WWOX: variants seen among roughly 807,000 people sequenced by gnomAD.
The protein encoded by WWOX is WW domain containing oxidoreductase.
WWOX carries 69 observed loss-of-function variants against 46.2 expected under a neutral mutation model. The observed-to-expected ratio is 1.49, with a 90% CI of 1.23 to 1.82. The LOEUF is 1.82. WWOX is among the 40% of genes most tolerant of loss of function. The pLI is 0.00. For missense variants in WWOX, 919 were observed against 542.6 expected (o/e 1.69, Z -6.89); for synonymous variants, 359 against 202.6 (o/e 1.77, Z -6.56).
chr16:78,315,904 C>T (rs759778287), intron 5 of WWOX, among the ~76,000 whole-genome samples: 4 of 152,090 alleles, frequency 2.6e-5, no homozygotes, highest in Non-Finnish European at 4.4e-5. Flanking sequence ...CTACTCTCCT[C>T]GTGTTGAATA....
At chr16:78,215,097 G>T (rs1351552754) in intron 5 of WWOX, among the ~76,000 whole-genome samples, 4 of 151,966 alleles carry the variant, frequency 2.6e-5, no homozygotes, top group Admixed American at 6.6e-5. Context: ...AGTGTTAGAG[G>T]ATGGAAGATT....
intron 8 of WWOX, among the ~76,000 whole-genome samples, chr16:78,764,046 G>A (rs541567772): frequency 1.4e-4 from 21 of 152,218 alleles, no homozygotes; most frequent in Non-Finnish European, 2.5e-4. Flanking sequence ...CGTAGGATAT[G>A]TGAAATATTT....
chr16:79,041,547 C>T (rs1164810605), intron 8 of WWOX, among the ~76,000 whole-genome samples: 1 of 152,072 alleles, frequency 6.6e-6, no homozygotes, highest in Non-Finnish European at 1.5e-5. Flanking sequence ...AGCAGGGGGC[C>T]AAGGAGGGCT....
At chr16:78,419,697 A>T (rs1463865660) in intron 6 of WWOX, among the ~76,000 whole-genome samples, 1 of 151,524 alleles carries the variant, frequency 6.6e-6, no homozygotes, top group Admixed American at 6.6e-5. Context: ...AACTCTTAGA[A>T]GCAAACATAG....
At chr16:78,915,656 C>G (rs1033672158) in intron 8 of WWOX, among the ~76,000 whole-genome samples, 3 of 150,850 alleles carry the variant, frequency 2.0e-5, no homozygotes, top group Non-Finnish European at 4.4e-5. Flanking sequence ...TAGTTTCTTA[C>G]CGTTTGGGGA....
intron 8 of WWOX, among the ~76,000 whole-genome samples, chr16:79,076,543 G>T (rs1031596878): frequency 6.6e-6 from 1 of 152,174 alleles, no homozygotes; most frequent in African/African-American, 2.4e-5. Context: ...AACCATCTAA[G>T]CTAACTCTCC....
intron 8 of WWOX, among the ~76,000 whole-genome samples, chr16:78,510,406 C>G (rs1347449638): frequency 1.3e-5 from 2 of 152,062 alleles, no homozygotes; most frequent in African/African-American, 4.8e-5. Context: ...GAGTTTCACC[C>G]TTTTGATTGG....
At chr16:78,367,290 A>G (rs573138266) in intron 5 of WWOX, among the ~76,000 whole-genome samples, 11 of 152,184 alleles carry the variant, frequency 7.2e-5, no homozygotes, top group African/African-American at 2.6e-4. Context: ...AAAAGTTATA[A>G]TTTTAATGGT....
At chr16:78,529,719 G>C (rs182204817) in intron 8 of WWOX, among the ~76,000 whole-genome samples, 1,845 of 151,914 alleles carry the variant, frequency 0.012, 31 homozygotes, top group Middle Eastern at 0.044. Context: ...CACCCACCTC[G>C]GCCTCCCAAA....
At chr16:78,103,591 A>C (rs1377208552) in intron 1 of WWOX, among the ~76,000 whole-genome samples, 1 of 151,716 alleles carries the variant, frequency 6.6e-6, no homozygotes, top group Non-Finnish European at 1.5e-5. Context: ...ATCTCTCCTG[A>C]TCTGTGAGCA....
At chr16:79,085,721 T>C (rs2048842425) in intron 8 of WWOX, among the ~76,000 whole-genome samples, 1 of 152,092 alleles carries the variant, frequency 6.6e-6, no homozygotes, top group Middle Eastern at 3.2e-3. Context: ...AGTTACCCTA[T>C]AGTCAAAAGG....
intron 5 of WWOX, among the ~76,000 whole-genome samples, chr16:78,329,130 G>C (rs2080701852): frequency 6.6e-6 from 1 of 152,062 alleles, no homozygotes; most frequent in African/African-American, 2.4e-5. Context: ...CAAAGTGCTG[G>C]GATTACAGGT....
Position 78,765,645 on chromosome 16 carries a change from C to T in WWOX, c.1056+332893C>T, listed in dbSNP as rs576667312. 8.5e-4 allele frequency among the ~76,000 whole-genome samples: 130 copies of T among 152,170 alleles called. 1 individual carries two copies. The highest frequency in any genetic ancestry group is 2.8e-3 in the African/African-American group (116 of 41,506). On this transcript the variant is annotated intron_variant, in intron 8 of 8. Coordinates refer to ENST00000566780, the MANE Select transcript of WWOX (RefSeq NM_016373.4). ...AGTGAGCCGAGATTGTGCCACTGCA[C>T]TGCAGCTTGGGAAACAGAGTGAGAC...
intron 5 of WWOX, among the ~76,000 whole-genome samples, chr16:78,317,278 T>A (rs778146607): frequency 3.3e-5 from 5 of 152,184 alleles, no homozygotes; most frequent in Admixed American, 6.5e-5. Flanking sequence ...TCTCTCTCTC[T>A]CTGTCTGTCT....
intron 5 of WWOX, among the ~76,000 whole-genome samples, chr16:78,203,839 C>A (rs780888539): frequency 6.6e-6 from 1 of 152,194 alleles, no homozygotes; most frequent in Non-Finnish European, 1.5e-5. Context: ...CTCCCTTTCT[C>A]ATAGTATGAT....
At chr16:79,169,936 C>T (rs2150766463) in intron 8 of WWOX, among the ~76,000 whole-genome samples, 1 of 152,306 alleles carries the variant, frequency 6.6e-6, no homozygotes, top group East Asian at 1.9e-4. Flanking sequence ...TGGCCATGCA[C>T]AGTGGCTCAG....
At chr16:78,898,548 A>G (rs934703855) in intron 8 of WWOX, 1 of 152,166 alleles carries the variant, frequency 6.6e-6, no homozygotes. Flanking sequence ...GGTAATAATA[A>G]GGATTCAAAC....
chr16:78,706,875 G>T (rs749997263), intron 8 of WWOX, among the ~76,000 whole-genome samples: 1 of 152,082 alleles, frequency 6.6e-6, no homozygotes, highest in East Asian at 1.9e-4. Context: ...CTGGCTGGCT[G>T]CAGCCTTGAC....
At chr16:78,683,847 G>A (rs1196003943) in intron 8 of WWOX, among the ~76,000 whole-genome samples, 1 of 152,130 alleles carries the variant, frequency 6.6e-6, no homozygotes, top group Non-Finnish European at 1.5e-5. Context: ...GTTTAATTCG[G>A]CGTCTTTGGT....
Sources: gnomAD v4.1 joint callset for allele counts (sites outside exome capture counted in the v4.1 genomes callset) on GRCh38, gnomAD v4.1.1 for gene constraint, MANE v1.5 for transcripts, NCBI Gene and HGNC (gene_info 2026-07-23, HGNC 2026-07-21) for gene names.